Variants in ANGPTL6 observed in about 807,000 individuals in gnomAD.
ANGPTL6 encodes angiopoietin like 6, also known as angiopoietin-related protein 6.
Under a neutral mutation model 47.4 loss-of-function variants are expected in ANGPTL6, and 45 were observed. The observed-to-expected ratio is 0.95, with a 90% confidence interval of 0.75 to 1.22. The LOEUF (loss-of-function observed/expected upper bound fraction) is 1.22, where lower values mean the gene tolerates loss of function less well. Ranked by LOEUF, ANGPTL6 falls within the 50% of genes most tolerant of loss-of-function variation. The pLI, the probability that ANGPTL6 is intolerant of heterozygous loss-of-function variation, is 0.00. For missense variants in ANGPTL6, 698 were observed against 669.4 expected, an observed-to-expected ratio of 1.04 and a Z score of -0.47; for synonymous variants, 290 against 295.9, an observed-to-expected ratio of 0.98 and a Z score of 0.20.
intron 2 of ANGPTL6, among the ~76,000 whole-genome samples, chr19:10,095,447 C>A (rs987654512): frequency 2.0e-5 from 3 of 152,122 alleles, no homozygotes; most frequent in Non-Finnish European, 4.4e-5. Context: ...GCAGACAGAG[C>A]TGGGCTTAAA....
intron 3 of ANGPTL6, 150 bp downstream of exon 3, chr19:10,094,608 T>G: frequency 1.0e-6 from 1 of 991,178 alleles, no homozygotes; most frequent in Non-Finnish European, 1.5e-6. Context: ...GTTTCTCCTA[T>G]TTTCACACCT....
At chr19:10,103,127 A>G (rs1361173327), upstream of ANGPTL6, among the ~76,000 whole-genome samples, 1 of 151,868 alleles carries the variant, frequency 6.6e-6, no homozygotes, top group Non-Finnish European at 1.5e-5. Context: ...CAGAGAGGGT[A>G]AGCAACTTGC....
upstream of ANGPTL6, among the ~76,000 whole-genome samples, chr19:10,103,490 T>A (rs773261075): frequency 4.6e-5 from 7 of 151,300 alleles, no homozygotes; most frequent in Non-Finnish European, 7.4e-5. Context: ...CGCGGGAGGC[T>A]GAGGCAGGAG....
chr19:10,096,191 C>A lies in ANGPTL6; in HGVS notation c.373G>T (p.Gly125Trp). The part of the protein sequence containing the change: ...QHEAGPGAGP[G>W]ADLGAEPAAA... ...GCAGGCTCCGCCCCCAGATCCGCCC[C>A]CGGGCCCGCCCCGGGCCCCGCCTCG... The change falls in exon 2 of 6, where the codon GGG (glycine) becomes TGG (tryptophan). Residue 125 changes from glycine (G) to tryptophan (W), a missense_variant. Gly to Trp is a radical substitution (Grantham distance 184, BLOSUM62 -2). Coordinates refer to ENST00000253109, the MANE Select transcript of ANGPTL6 (RefSeq NM_031917.3). The A allele has an allele frequency of 8.1e-7, 1 of 1,240,820 alleles. No homozygotes were observed. Among genetic ancestry groups the A allele is most frequent in the Non-Finnish European group, 1.0e-6 (1 of 992,694 alleles). 76.9% of individuals were successfully genotyped at this position (1,240,820 alleles called of 1,614,324 possible).
upstream of ANGPTL6, among the ~76,000 whole-genome samples, chr19:10,105,590 G>T (rs2088799127): frequency 6.6e-6 from 1 of 151,198 alleles, no homozygotes; most frequent in African/African-American, 2.4e-5. Flanking sequence ...AGTTACAAGA[G>T]GGAGAAAGAG....
At chr19:10,094,292 G>A (rs182318326) in intron 3 of ANGPTL6, among the ~76,000 whole-genome samples, 1 of 151,922 alleles carries the variant, frequency 6.6e-6, no homozygotes, top group Non-Finnish European at 1.5e-5. Context: ...GACTACAGGC[G>A]CCCGCCACCA....
At chr19:10,105,062 A>G (rs1223274800), upstream of ANGPTL6, among the ~76,000 whole-genome samples, 1 of 152,162 alleles carries the variant, frequency 6.6e-6, no homozygotes, top group Non-Finnish European at 1.5e-5. Flanking sequence ...ACCTGTCCAA[A>G]GGCCCCACCG....
upstream of ANGPTL6, among the ~76,000 whole-genome samples, chr19:10,103,259 AAC>A (rs140405310): frequency 5.1e-4 from 77 of 150,942 alleles, no homozygotes; most frequent in Middle Eastern, 3.4e-3. Flanking sequence ...AGTGGACACA[AAC>A]ACACACACAC....
upstream of ANGPTL6, among the ~76,000 whole-genome samples, chr19:10,104,081 C>CAAAAAAA (rs33948028): frequency 2.3e-4 from 17 of 73,846 alleles, no homozygotes; most frequent in South Asian, 1.0e-3. Flanking sequence ...GACTCTGTCT[C>CAAAAAAA]AAAAAAAAAA....
At chr19:10,096,906 C>A (rs1370943881) in intron 1 of ANGPTL6, among the ~76,000 whole-genome samples, 1 of 140,626 alleles carries the variant, frequency 7.1e-6, no homozygotes, top group South Asian at 2.3e-4. Context: ...CCAGCCTGGG[C>A]AACATGGGGA....
upstream of ANGPTL6, among the ~76,000 whole-genome samples, chr19:10,105,810 G>A (rs1481481676): frequency 5.3e-5 from 8 of 152,344 alleles, no homozygotes; most frequent in East Asian, 1.5e-3. Context: ...GCGGAAAGAA[G>A]GAGGGGGCGA....
rs1189165142 is a variant in ANGPTL6 at position 10,102,593 on chromosome 19, A to T, written c.-36T>A. On this transcript the variant is annotated 5_prime_UTR_variant, in exon 1 of 6. Transcript: ENST00000253109. Reference sequence around the variant, plus strand: ...CTCTGATGCCCAAGACCCTGAATCCAGCGAAGCTCACAGAACACACAAGAA... The same window carrying T: ...CTCTGATGCCCAAGACCCTGAATCCTGCGAAGCTCACAGAACACACAAGAA... The T allele has an allele frequency of 1.0e-6, 1 of 984,460 alleles. No individual in the cohort carries two copies. Among genetic ancestry groups the T allele is most frequent in the African/African-American group, 1.7e-5 (1 of 57,172 alleles). The allele number at this position is 984,460 out of a possible 1,614,324, so 61.0% of individuals were successfully genotyped here. A position where few individuals can be genotyped will look rare whatever the true frequency, so the allele number is the denominator to read the frequency against.
intron 3 of ANGPTL6, 68 bp downstream of exon 3, chr19:10,094,690 C>A: frequency 6.3e-7 from 1 of 1,581,230 alleles, no homozygotes. Flanking sequence ...TGAGAGAAAT[C>A]TGCCACTAAA....
At chr19:10,095,263 T>A (rs2088502129) in intron 2 of ANGPTL6, among the ~76,000 whole-genome samples, 1 of 151,956 alleles carries the variant, frequency 6.6e-6, no homozygotes, top group African/African-American at 2.4e-5. Flanking sequence ...ACAAAAAAAA[T>A]TAACTGAGTG....
intron 1 of ANGPTL6, among the ~76,000 whole-genome samples, chr19:10,097,468 CAG>C (rs1453573107): frequency 1.3e-5 from 2 of 151,334 alleles, no homozygotes; most frequent in Admixed American, 6.6e-5. Context: ...AGGAACAAAA[CAG>C]ACAAAAATCC....
chr19:10,103,545 G>C (rs963563971), upstream of ANGPTL6, among the ~76,000 whole-genome samples: 1 of 150,774 alleles, frequency 6.6e-6, no homozygotes, highest in Non-Finnish European at 1.5e-5. Flanking sequence ...AGCCGAGATC[G>C]AGCAACCGCA....
upstream of ANGPTL6, among the ~76,000 whole-genome samples, chr19:10,105,174 G>C (rs2145192704): frequency 6.6e-6 from 1 of 152,340 alleles, no homozygotes; most frequent in South Asian, 2.1e-4. Context: ...AAAGGAAATG[G>C]TCGTCCCAGA....
rs1015310143 is a variant in ANGPTL6, at chr19:10,096,257, G to T, written c.307C>A (p.Leu103Met). The T allele has an allele frequency of 5.1e-5, 61 of 1,187,554 alleles. No individual in the cohort carries two copies. The highest frequency in any genetic ancestry group is 6.0e-5 in the Non-Finnish European group (58 of 961,094). The allele number at this position is 1,187,554 out of a possible 1,614,324, so 73.6% of individuals were successfully genotyped here. ...CGCAACTGGCCCAGGCGCGCGCTCAGGCCGCGGCTCTCCTTGCGCAGCGCG... is the reference window on the plus strand; with the variant it reads ...CGCAACTGGCCCAGGCGCGCGCTCATGCCGCGGCTCTCCTTGCGCAGCGCG... ...VRALRKESRG[L>M]SARLGQLRAQ... Residue 103 changes from leucine to methionine, a missense_variant, in exon 2 of 6, where the codon CTG (leucine) becomes ATG (methionine). Leu to Met is a conservative substitution (Grantham distance 15). Coordinates refer to ENST00000253109, the MANE Select transcript of ANGPTL6 (RefSeq NM_031917.3).
intron 1 of ANGPTL6, among the ~76,000 whole-genome samples, chr19:10,098,337 G>A (rs1286558168): frequency 6.6e-6 from 1 of 150,636 alleles, no homozygotes; most frequent in African/African-American, 2.4e-5. Flanking sequence ...GGGGACGAGA[G>A]CAAACCCTGT....
Sources: gnomAD v4.1 joint callset for allele counts (sites outside exome capture counted in the v4.1 genomes callset) on GRCh38, gnomAD v4.1.1 for gene constraint, MANE v1.5 for transcripts, NCBI Gene and HGNC (gene_info 2026-07-23, HGNC 2026-07-21) for gene names.